JAKMIP1: variants seen among roughly 807,000 people sequenced by gnomAD.
JAKMIP1 encodes janus kinase and microtubule-interacting protein 1.
In JAKMIP1, 33 loss-of-function variants were observed where a neutral mutation model predicts 113.0. That is an observed-to-expected ratio of 0.29 (90% CI 0.22 to 0.39). The LOEUF (loss-of-function observed/expected upper bound fraction) is 0.39, where lower values mean the gene tolerates loss of function less well. JAKMIP1 is among the 10% of genes least tolerant of loss of function. JAKMIP1 has a pLI of 1.00. For missense variants in JAKMIP1, 813 were observed against 1,080.5 expected (o/e 0.75, Z 3.47); for synonymous variants, 480 against 459.9 (o/e 1.04, Z -0.56).
Position 6,042,056 on chromosome 4 carries a change from G to T in JAKMIP1, c.2097+103C>A. ...TGGGGCAAAAGCAAAATTGAGAAAT[G>T]CATGCAAATCATTAGGAAAACACAT... On this transcript the variant is annotated intron_variant, in intron 17 of 20. Coordinates refer to ENST00000409021, the MANE Select transcript of JAKMIP1 (RefSeq NM_001099433.2). This position sits in a 1 kb window ranked among gnomAD's most constrained non-coding sequence, Gnocchi z 5.2. The T allele has an allele frequency of 1.1e-6, 1 of 926,218 alleles. No individual in the cohort carries two copies. The highest frequency in any genetic ancestry group is 1.7e-6 in the Non-Finnish European group (1 of 581,172). The allele number at this position is 926,218 out of a possible 1,614,324, so 57.4% of individuals were successfully genotyped here.
At chr4:6,189,893 G>T (rs993525510) in intron 1 of JAKMIP1, among the ~76,000 whole-genome samples, 3 of 152,038 alleles carry the variant, frequency 2.0e-5, no homozygotes, top group Non-Finnish European at 2.9e-5. Context: ...GAGCAGCCGG[G>T]GGACTGTGTA....
rs192301212 is a variant in JAKMIP1 at position 6,094,720 on chromosome 4, G to A, written c.625-9091C>T. Among the ~76,000 whole-genome samples, 149 of 152,334 alleles carry A rather than the reference G, an allele frequency of 9.8e-4. No homozygotes were observed. The highest frequency in any genetic ancestry group is 3.5e-3 in the African/African-American group (144 of 41,584). On this transcript the variant is annotated intron_variant, in intron 3 of 20. Transcript: ENST00000409021. This position sits in a 1 kb window ranked among gnomAD's most constrained non-coding sequence, Gnocchi z 4.2. ...TAGAAAATGAAAAATACAGCCAGACGCAGTGGCTCACGCCTATAATCCCAG... is the reference window on the plus strand; with the variant it reads ...TAGAAAATGAAAAATACAGCCAGACACAGTGGCTCACGCCTATAATCCCAG...
In JAKMIP1 at chr4:6,064,481, T is replaced by G. The variant is rs2108790956; in HGVS notation, c.1431+399A>C. ...CTTAGTCAAGAAAGCAATGATGCTG[T>G]TTCTGCCCGGTGGTGTGTCCGTGTG... On this transcript the variant is annotated intron_variant, in intron 9 of 20. Transcript: ENST00000409021. This position sits in a 1 kb window ranked among gnomAD's most constrained non-coding sequence, Gnocchi z 4.3. Among the ~76,000 whole-genome samples, 1 of 152,306 alleles carries G rather than the reference T, an allele frequency of 6.6e-6. No individual in the cohort carries two copies. Among genetic ancestry groups the G allele is most frequent in the South Asian group, 2.1e-4 (1 of 4,818 alleles).
rs1000240823 is a variant in JAKMIP1, at chr4:6,153,905, G to C, written c.-147-40908C>G. Among the ~76,000 whole-genome samples, 1 of 152,180 alleles carries C rather than the reference G, an allele frequency of 6.6e-6. No homozygotes were observed. The highest frequency in any genetic ancestry group is 1.5e-5 in the Non-Finnish European group (1 of 68,044). Reference sequence around the variant, plus strand: ...GGTGAGCACTCTCACTGAGAAATGCGGAACCAGCTACCCGCTCCCTGAGGC... The same window carrying C: ...GGTGAGCACTCTCACTGAGAAATGCCGAACCAGCTACCCGCTCCCTGAGGC... On this transcript the variant is annotated intron_variant, in intron 1 of 20. Coordinates refer to ENST00000409021, the MANE Select transcript of JAKMIP1 (RefSeq NM_001099433.2). This position sits in a 1 kb window ranked among gnomAD's most constrained non-coding sequence, Gnocchi z 4.9.
chr4:6,051,543 A>G lies in JAKMIP1; in HGVS notation c.1807-864T>C, dbSNP rs1321430591. On this transcript the variant is annotated intron_variant, in intron 13 of 20. Coordinates refer to ENST00000409021, the MANE Select transcript of JAKMIP1 (RefSeq NM_001099433.2). The surrounding 1 kb of genome is among the most constrained non-coding windows in gnomAD (Gnocchi z 5.0). Reference sequence around the variant, plus strand: ...GCGTAAGCCACCTCGCCCGGCCCCAAAGGCTGACTTTCTGTTCTTTCCAAT... The same window carrying G: ...GCGTAAGCCACCTCGCCCGGCCCCAGAGGCTGACTTTCTGTTCTTTCCAAT... 3.3e-5 allele frequency among the ~76,000 whole-genome samples: 5 copies of G among 152,174 alleles called. No homozygotes were observed. The highest frequency in any genetic ancestry group is 6.5e-5 in the Admixed American group (1 of 15,274).
intron 5 of JAKMIP1, among the ~76,000 whole-genome samples, chr4:6,083,681 G>A (rs541013134): frequency 2.9e-4 from 44 of 151,380 alleles, no homozygotes; most frequent in Non-Finnish European, 5.2e-4. Context: ...GTGAAGAGGT[G>A]ATACTTACGG....
At position 6,193,089 on chromosome 4, in the gene JAKMIP1, G is replaced by C. The variant is rs1727457888; in HGVS notation, c.-148+7164C>G. On this transcript the variant is annotated intron_variant, in intron 1 of 20. Transcript: ENST00000409021. The surrounding 1 kb of genome is among the most constrained non-coding windows in gnomAD (Gnocchi z 6.4). Reference sequence around the variant, plus strand: ...AGAATAAAGCAGGCAGGAGAAGATGGAAGAGCAAACTTGCTGAGTCTTCTG... The same window carrying C: ...AGAATAAAGCAGGCAGGAGAAGATGCAAGAGCAAACTTGCTGAGTCTTCTG... 6.6e-6 allele frequency among the ~76,000 whole-genome samples: 1 copy of C among 152,170 alleles called. No homozygotes were observed. The highest frequency in any genetic ancestry group is 2.4e-5 in the African/African-American group (1 of 41,448).
chr4:6,047,887 T>G (rs1470815536), intron 16 of JAKMIP1, among the ~76,000 whole-genome samples: 1 of 152,208 alleles, frequency 6.6e-6, no homozygotes, highest in Non-Finnish European at 1.5e-5. Flanking sequence ...AAATCAGGAA[T>G]GTGTTTTGTA....
At position 6,197,926 on chromosome 4, in the gene JAKMIP1, TG is replaced by T. The variant is rs1367159262; in HGVS notation, c.-148+2326del. 6.6e-6 allele frequency among the ~76,000 whole-genome samples: 1 copy of T among 152,010 alleles called. No homozygotes were observed. The highest frequency in any genetic ancestry group is 1.5e-5 in the Non-Finnish European group (1 of 68,006). On this transcript the variant is annotated intron_variant, in intron 1 of 20. Transcript: ENST00000409021. The surrounding 1 kb of genome is among the most constrained non-coding windows in gnomAD (Gnocchi z 6.5). Reference sequence around the variant, plus strand: ...AATCCACCCTTACACACCAAGAGAGTGGGGCCACGGTCCTGCCACTTCCTCG... The same window carrying T: ...AATCCACCCTTACACACCAAGAGAGTGGGCCACGGTCCTGCCACTTCCTCG...
chr4:6,068,907 G>C (rs1718556487), intron 8 of JAKMIP1, among the ~76,000 whole-genome samples: 1 of 152,058 alleles, frequency 6.6e-6, no homozygotes, highest in Non-Finnish European at 1.5e-5. Context: ...CACTGGGTTA[G>C]TGTTTATAAC....
chr4:6,038,886 G>A (rs73071590), intron 18 of JAKMIP1, among the ~76,000 whole-genome samples: 23,249 of 152,186 alleles, frequency 0.15, 2,196 homozygotes, highest in African/African-American at 0.26. Context: ...TGGAAATCCC[G>A]TTGTGGGCCT....
In JAKMIP1 at chr4:6,106,544, C is replaced by G. The variant is rs1478025477; in HGVS notation, c.130-577G>C. 6.6e-6 allele frequency among the ~76,000 whole-genome samples: 1 copy of G among 151,612 alleles called. No individual in the cohort carries two copies. Among genetic ancestry groups the G allele is most frequent in the Admixed American group, 6.6e-5 (1 of 15,230 alleles). ...CCCTCTCTTTCTCCCTCTCTCCTCT[C>G]TCTCTCTCTCTCTTCCTCTCTCTCT... On this transcript the variant is annotated intron_variant, in intron 2 of 20. Transcript: ENST00000409021. This position sits in a 1 kb window ranked among gnomAD's most constrained non-coding sequence, Gnocchi z 5.9.
chr4:6,045,271 T>G (rs771027268), intron 16 of JAKMIP1, among the ~76,000 whole-genome samples: 1 of 152,248 alleles, frequency 6.6e-6, no homozygotes, highest in African/African-American at 2.4e-5. Flanking sequence ...CGATCCACTT[T>G]GAACTTGAGG....
At chr4:6,053,483 T>A (rs1357044596) in intron 13 of JAKMIP1, among the ~76,000 whole-genome samples, 1 of 152,220 alleles carries the variant, frequency 6.6e-6, no homozygotes, top group Non-Finnish European at 1.5e-5. Context: ...TGCAAATACA[T>A]CCTTCTACCC....
In JAKMIP1 at chr4:6,137,830, T is replaced by C. The variant is rs1270969067; in HGVS notation, c.-147-24833A>G. On this transcript the variant is annotated intron_variant, in intron 1 of 20. Transcript: ENST00000409021. The surrounding 1 kb of genome is among the most constrained non-coding windows in gnomAD (Gnocchi z 4.5). ...AGGACAAGGTGCCCACTGGCTGGCA[T>C]GGGCCTGGCAGACAAGGTGTGCTCT... Among the ~76,000 whole-genome samples, 1 of 152,230 alleles carries C rather than the reference T, an allele frequency of 6.6e-6. No individual in the cohort carries two copies. Among genetic ancestry groups the C allele is most frequent in the Non-Finnish European group, 1.5e-5 (1 of 68,034 alleles).
rs1185654848 is a variant in JAKMIP1 at position 6,048,846 on chromosome 4, C to T, written c.2028+11G>A. 1 of 1,611,938 alleles carries T rather than the reference C, an allele frequency of 6.2e-7. No homozygotes were observed. Among genetic ancestry groups the T allele is most frequent in the African/African-American group, 1.3e-5 (1 of 75,024 alleles). On this transcript the variant is annotated intron_variant, in intron 16 of 20. Coordinates refer to ENST00000409021, the MANE Select transcript of JAKMIP1 (RefSeq NM_001099433.2). ...ACAAGGTGTGAGCACAGAAATGCCG[C>T]TGGCTTCTACCTTTTCACACAGGGC...
In JAKMIP1 at chr4:6,028,724, G is replaced by A. The variant is rs73071561; in HGVS notation, c.2445+992C>T. Among the ~76,000 whole-genome samples the A allele has an allele frequency of 9.5e-3, 1,443 of 152,284 alleles. 22 individuals are homozygous for A. Among genetic ancestry groups the A allele is most frequent in the African/African-American group, 0.033 (1,377 of 41,556 alleles). ...CTCTTCCCAGGGCTGATCCCACAGTGTCCTTTGAGATTCAGGTGGGACCCC... is the reference window on the plus strand; with the variant it reads ...CTCTTCCCAGGGCTGATCCCACAGTATCCTTTGAGATTCAGGTGGGACCCC... On this transcript the variant is annotated intron_variant, in intron 20 of 20. Coordinates refer to ENST00000409021, the MANE Select transcript of JAKMIP1 (RefSeq NM_001099433.2).
chr4:6,077,144 C>A (rs1188705118), intron 8 of JAKMIP1, among the ~76,000 whole-genome samples: 1 of 152,166 alleles, frequency 6.6e-6, no homozygotes, highest in Admixed American at 6.5e-5. Flanking sequence ...AATCCCAGTA[C>A]CTCAGAATGT....
rs1723892368 is a variant in JAKMIP1 at position 6,168,160 on chromosome 4, G to A, written c.-148+32093C>T. On this transcript the variant is annotated intron_variant, in intron 1 of 20. Transcript: ENST00000409021. This position sits in a 1 kb window ranked among gnomAD's most constrained non-coding sequence, Gnocchi z 4.6. ...AACAACAAGTGTGGGTGAGCATGTG[G>A]GGAACTGGACCCTTTATGCATTGCT... 6.6e-6 allele frequency among the ~76,000 whole-genome samples: 1 copy of A among 152,200 alleles called. No individual in the cohort carries two copies. The highest frequency in any genetic ancestry group is 1.5e-5 in the Non-Finnish European group (1 of 68,046).
Sources: gnomAD v4.1 joint callset for allele counts (sites outside exome capture counted in the v4.1 genomes callset) on GRCh38, gnomAD v4.1.1 for gene constraint, Gnocchi (gnomAD v3.1) non-coding constraint, MANE v1.5 for transcripts, NCBI Gene and HGNC (gene_info 2026-07-23, HGNC 2026-07-21) for gene names.